Variants in ZNF608 observed in about 807,000 individuals in gnomAD.
ZNF608 encodes the protein renal carcinoma antigen NY-REN-36.
Under a neutral mutation model 109.0 loss-of-function variants are expected in ZNF608, and 12 were observed. The ratio of observed to expected loss-of-function variants is 0.11; its 90% confidence interval spans 0.07 to 0.18. The LOEUF (loss-of-function observed/expected upper bound fraction) is 0.18. ZNF608 is among the 10% of genes least tolerant of loss of function. The pLI is 1.00. For missense variants in ZNF608, 1,707 were observed against 1,879.3 expected (o/e 0.91, Z 1.70); for synonymous variants, 732 against 717.4 (o/e 1.02, Z -0.33).
Position 124,745,047 on chromosome 5 carries a change from GAC to G in ZNF608, c.-60_-59del. ...ATGAACTTTTCTTTGGAGATGAGGG[GAC>G]ATTCGTTTATCTCCGCTGGGCTTTC... On this transcript the variant is annotated 5_prime_UTR_variant, in exon 2 of 10. The change abolishes an upstream ATG in the 5' untranslated region. Coordinates refer to ENST00000513986, the MANE Select transcript of ZNF608 (RefSeq NM_020747.3). 6.5e-7 allele frequency: 1 copy of G among 1,530,574 alleles called. No homozygotes were observed. The highest frequency in any genetic ancestry group is 8.7e-7 in the Non-Finnish European group (1 of 1,146,766). The allele number at this position is 1,530,574 out of a possible 1,614,324, so 94.8% of individuals were successfully genotyped here.
chr5:124,695,256 T>C (rs1346255731), intron 3 of ZNF608, among the ~76,000 whole-genome samples: 2 of 152,184 alleles, frequency 1.3e-5, no homozygotes, highest in Non-Finnish European at 2.9e-5. Flanking sequence ...TATACCTCAA[T>C]AAATAATATT....
intron 2 of ZNF608, among the ~76,000 whole-genome samples, chr5:124,711,901 G>A (rs551740169): frequency 1.1e-3 from 170 of 152,304 alleles, no homozygotes; most frequent in African/African-American, 3.8e-3. Flanking sequence ...GGCACGGAAG[G>A]ATTCGATTGT....
intron 3 of ZNF608, among the ~76,000 whole-genome samples, chr5:124,652,792 C>T (rs1017821886): frequency 6.6e-6 from 1 of 152,194 alleles, no homozygotes; most frequent in Non-Finnish European, 1.5e-5. Flanking sequence ...GCAGACTACA[C>T]TTACTGAAGG....
At chr5:124,742,398 T>C (rs1028821851) in intron 2 of ZNF608, among the ~76,000 whole-genome samples, 15 of 152,220 alleles carry the variant, frequency 9.9e-5, no homozygotes, top group Non-Finnish European at 1.3e-4. Flanking sequence ...CAAATGGCTC[T>C]GACTCCTTAA....
intron 3 of ZNF608, among the ~76,000 whole-genome samples, chr5:124,650,702 T>G (rs182647451): frequency 6.6e-6 from 1 of 152,360 alleles, no homozygotes; most frequent in African/African-American, 2.4e-5. Context: ...GAGACATACA[T>G]AAATTATTAG....
intron 7 of ZNF608, among the ~76,000 whole-genome samples, chr5:124,642,324 CAA>C (rs1017563266): frequency 6.6e-6 from 1 of 152,140 alleles, no homozygotes; most frequent in Non-Finnish European, 1.5e-5. Flanking sequence ...AGGGACATGA[CAA>C]AGAGTCAAGG....
chr5:124,667,109 A>C (rs573114777), intron 3 of ZNF608, among the ~76,000 whole-genome samples: 1 of 152,142 alleles, frequency 6.6e-6, no homozygotes, highest in Non-Finnish European at 1.5e-5. Context: ...AGTAAAAATG[A>C]ACTGCCTGAT....
In ZNF608 at chr5:124,744,603, C is replaced by A. The variant is rs775568784; in HGVS notation, c.387G>T (p.Glu129Asp). Residue 129 changes from glutamate to aspartate, a missense_variant, in exon 2 of 10, where the codon GAG (glutamate) becomes GAT (aspartate). By Grantham distance (45) the Glu-to-Asp change is conservative. This residue lies in a region of ZNF608 where 407 missense variants were observed against 398.7 expected (regional missense o/e 1.02). Transcript: ENST00000513986. The surrounding 1 kb of genome is among the most constrained non-coding windows in gnomAD (Gnocchi z 4.5). Reference sequence around the variant, plus strand: ...CCTGCCTCTTGCCAGTGCTGCTGATCTCGGGAATCCCATACAAGGCAGCAG... The same window carrying A: ...CCTGCCTCTTGCCAGTGCTGCTGATATCGGGAATCCCATACAAGGCAGCAG... ...LPSAALYGIP[E>D]ISSTGKRQEV... 6.2e-7 allele frequency: 1 copy of A among 1,614,226 alleles called. No homozygotes were observed. Among genetic ancestry groups the A allele is most frequent in the Non-Finnish European group, 8.5e-7 (1 of 1,180,042 alleles).
intron 2 of ZNF608, among the ~76,000 whole-genome samples, chr5:124,717,924 C>G (rs941002009): frequency 1.3e-5 from 2 of 152,104 alleles, no homozygotes; most frequent in Non-Finnish European, 2.9e-5. Context: ...TGGCTGGCAC[C>G]TTTTCCTCTT....
chr5:124,693,260 A>G (rs1752689931), intron 3 of ZNF608, among the ~76,000 whole-genome samples: 19 of 152,234 alleles, frequency 1.2e-4, no homozygotes, highest in Admixed American at 1.2e-3. Context: ...CTTTGCAGCC[A>G]ATGAGACCAT....
At position 124,746,211 on chromosome 5, in the gene ZNF608, AT is replaced by A; in HGVS notation, c.-201del. On this transcript the variant is annotated 5_prime_UTR_variant, in exon 1 of 10. In the 5' UTR this introduces an upstream ATG that the reference lacks. Transcript: ENST00000513986. ...ATTGCTTACCTTTTAATCCTTTATCATTTTTTAATTAGGCCAGCAAATCAAA... is the reference window on the plus strand; with the variant it reads ...ATTGCTTACCTTTTAATCCTTTATCATTTTTAATTAGGCCAGCAAATCAAA... 1.0e-6 allele frequency: 1 copy of A among 985,384 alleles called. No homozygotes were observed. The highest frequency in any genetic ancestry group is 1.2e-6 in the Non-Finnish European group (1 of 829,918). The allele number at this position is 985,384 out of a possible 1,614,324, so 61.0% of individuals were successfully genotyped here.
At chr5:124,674,746 G>T (rs1265861922) in intron 3 of ZNF608, among the ~76,000 whole-genome samples, 1 of 152,036 alleles carries the variant, frequency 6.6e-6, no homozygotes, top group South Asian at 2.1e-4. Context: ...GAGTAGCTTG[G>T]ACTACATATA....
chr5:124,688,656 A>C (rs4334883), intron 3 of ZNF608, among the ~76,000 whole-genome samples: 81,958 of 151,854 alleles, frequency 0.54, 22,399 homozygotes, highest in East Asian at 0.67. Flanking sequence ...TACAAATTCC[A>C]AATTCATAAA....
At position 124,649,644 on chromosome 5, in the gene ZNF608, G is replaced by A. The variant is rs554258620; in HGVS notation, c.1216C>T (p.Leu406=). The change falls in exon 4 of 10, where the codon CTG becomes TTG. Residue 406 remains leucine, a synonymous_variant. Transcript: ENST00000513986. The part of the protein sequence containing the change: ...WRNKTYVGTL[L]DCTKHDWAPP... ...GCCCAGTCGTGCTTGGTGCAGTCCA[G>A]TAGGGTTCCCACGTACGTTTTGTTC... 6.2e-6 allele frequency: 10 copies of A among 1,611,262 alleles called. No individual in the cohort carries two copies. The Admixed American group carries it at 6.7e-5, about 11-fold the overall frequency.
chr5:124,696,202 A>C (rs985369212), intron 3 of ZNF608, among the ~76,000 whole-genome samples: 4 of 151,606 alleles, frequency 2.6e-5, no homozygotes, highest in African/African-American at 9.7e-5. Flanking sequence ...AAAAAAAAGG[A>C]AAAAAAGAGA....
chr5:124,742,552 G>C (rs905132553), intron 2 of ZNF608, among the ~76,000 whole-genome samples: 4 of 152,126 alleles, frequency 2.6e-5, no homozygotes, highest in Non-Finnish European at 5.9e-5. Context: ...CCTTTTAGCG[G>C]AAATAATGTG....
intron 3 of ZNF608, among the ~76,000 whole-genome samples, chr5:124,700,665 T>G (rs4302583): frequency 0.73 from 110,855 of 152,174 alleles, 40,864 homozygotes; most frequent in East Asian, 0.98. Context: ...CAGACACATT[T>G]GTTGGCACCC....
At chr5:124,688,701 T>C (rs1374527796) in intron 3 of ZNF608, among the ~76,000 whole-genome samples, 2 of 152,226 alleles carry the variant, frequency 1.3e-5, no homozygotes, top group East Asian at 1.9e-4. Flanking sequence ...AAAGATATAC[T>C]ATGTAATCCT....
Position 124,704,873 on chromosome 5 carries a change from T to C in ZNF608, c.907-3604A>G, listed in dbSNP as rs766162396. Among the ~76,000 whole-genome samples, 68 of 152,152 alleles carry C rather than the reference T, an allele frequency of 4.5e-4. No individual in the cohort carries two copies. In the Middle Eastern group the frequency reaches 0.01, roughly 23 times the overall value. ...TACAAGTGTAATAAGCTGTCTCTAG[T>C]GGCAGCCTAGGTACACATAAAACGA... is the stretch of plus-strand genomic sequence containing the variant. On this transcript the variant is annotated intron_variant, in intron 2 of 9. Transcript: ENST00000513986.
Sources: allele counts gnomAD v4.1 joint callset (sites outside exome capture counted in the v4.1 genomes callset), GRCh38; gene constraint gnomAD v4.1.1; regional missense constraint gnomAD v4.1.1; non-coding constraint Gnocchi (gnomAD v3.1); transcripts MANE v1.5; gene names NCBI Gene and HGNC (gene_info 2026-07-23, HGNC 2026-07-21).